The following NCAM2 variants were observed in gnomAD, a reference collection of about 807,000 sequenced individuals.
The protein encoded by NCAM2 is neural cell adhesion molecule 2, also known as N-CAM-2.
Under a neutral mutation model 98.1 loss-of-function variants are expected in NCAM2, and 30 were observed. That is an observed-to-expected ratio of 0.31 (90% CI 0.23 to 0.41). NCAM2 has a LOEUF of 0.41. Ranked by LOEUF, NCAM2 falls within the 10% of genes least tolerant of loss-of-function variation. The pLI is 1.00. For synonymous variants in NCAM2, 368 were observed against 342.4 expected (o/e 1.07, Z -0.83); for missense variants, 867 against 1,005.8 (o/e 0.86, Z 1.87).
At chr21:21,511,216 T>G (rs1988356953) in intron 16 of NCAM2, among the ~76,000 whole-genome samples, 2 of 152,044 alleles carry the variant, frequency 1.3e-5, no homozygotes, top group East Asian at 3.9e-4. Flanking sequence ...TGAATCCTAT[T>G]CATTCTGTCT....
At chr21:21,247,328 C>T (rs566868282) in intron 1 of NCAM2, among the ~76,000 whole-genome samples, 1 of 152,104 alleles carries the variant, frequency 6.6e-6, no homozygotes, top group Non-Finnish European at 1.5e-5. Context: ...CAAACAACAA[C>T]AACAACAAAC....
intron 1 of NCAM2, among the ~76,000 whole-genome samples, chr21:21,084,009 A>C (rs1048810833): frequency 2.6e-5 from 4 of 152,186 alleles, no homozygotes; most frequent in African/African-American, 7.2e-5. Flanking sequence ...TGGCTTAAAC[A>C]ACAGAAATTT....
chr21:21,401,852 G>A (rs1287202815), intron 9 of NCAM2, among the ~76,000 whole-genome samples: 2 of 152,158 alleles, frequency 1.3e-5, no homozygotes, highest in African/African-American at 2.4e-5. Context: ...GTTGCAGGAA[G>A]TCAGGGACCC....
At chr21:21,221,927 G>A (rs1042082414) in intron 1 of NCAM2, among the ~76,000 whole-genome samples, 1 of 152,152 alleles carries the variant, frequency 6.6e-6, no homozygotes, top group African/African-American at 2.4e-5. Context: ...TCAAAGGACA[G>A]ATGTCTCTCT....
chr21:21,004,262 A>G (rs1375266467), intron 1 of NCAM2, among the ~76,000 whole-genome samples: 1 of 152,178 alleles, frequency 6.6e-6, no homozygotes, highest in Non-Finnish European at 1.5e-5. Context: ...CCTTAAAATG[A>G]GAATATTATC....
chr21:21,074,661 C>G (rs1394185300), intron 1 of NCAM2, among the ~76,000 whole-genome samples: 1 of 152,212 alleles, frequency 6.6e-6, no homozygotes, highest in African/African-American at 2.4e-5. Context: ...CACTGTTTTG[C>G]TTCCGCAGAA....
chr21:21,197,562 A>G (rs892056667), intron 1 of NCAM2, among the ~76,000 whole-genome samples: 4 of 152,194 alleles, frequency 2.6e-5, no homozygotes, highest in African/African-American at 9.6e-5. Context: ...CCAAGCATAA[A>G]GCCATATGTT....
intron 9 of NCAM2, among the ~76,000 whole-genome samples, chr21:21,394,154 A>G (rs1186369667): frequency 1.3e-5 from 2 of 152,186 alleles, no homozygotes; most frequent in Non-Finnish European, 2.9e-5. Flanking sequence ...ATCCAGTGTT[A>G]TGGTTAACTG....
chr21:21,185,869 A>G (rs965053874), intron 1 of NCAM2, among the ~76,000 whole-genome samples: 1 of 152,194 alleles, frequency 6.6e-6, no homozygotes, highest in Admixed American at 6.5e-5. Flanking sequence ...GAATAAGAAG[A>G]AAGTGTAATA....
intron 1 of NCAM2, among the ~76,000 whole-genome samples, chr21:21,219,714 A>G (rs896488021): frequency 1.6e-4 from 25 of 152,220 alleles, no homozygotes; most frequent in Non-Finnish European, 1.9e-4. Context: ...CTTGTTAAAA[A>G]AAGTTAACTG....
At chr21:21,383,389 C>G (rs183203541) in intron 9 of NCAM2, among the ~76,000 whole-genome samples, 69 of 152,260 alleles carry the variant, frequency 4.5e-4, no homozygotes, top group African/African-American at 1.6e-3. Context: ...CTCACACTCT[C>G]CAACATTATG....
chr21:21,040,583 A>G (rs898582302), intron 1 of NCAM2, among the ~76,000 whole-genome samples: 4 of 152,054 alleles, frequency 2.6e-5, no homozygotes, highest in Admixed American at 6.6e-5. Context: ...TATATACACA[A>G]TGGAATACCG....
At chr21:21,137,921 A>G (rs2245652) in intron 1 of NCAM2, among the ~76,000 whole-genome samples, 39,570 of 131,928 alleles carry the variant, frequency 0.3, 5,814 homozygotes, top group East Asian at 0.51. Context: ...GTAGGATATT[A>G]GCAGGAAGGT....
intron 10 of NCAM2, among the ~76,000 whole-genome samples, chr21:21,417,325 G>A (rs924772137): frequency 6.6e-6 from 1 of 151,926 alleles, no homozygotes; most frequent in Non-Finnish European, 1.5e-5. Context: ...TAATCACTTA[G>A]CAGTAATTAT....
intron 17 of NCAM2, among the ~76,000 whole-genome samples, chr21:21,536,950 C>T (rs1990013962): frequency 6.6e-6 from 1 of 151,780 alleles, no homozygotes; most frequent in Non-Finnish European, 1.5e-5. Context: ...ATAAAAGTGA[C>T]AAGAAAAACA....
At chr21:21,098,658 T>G (rs2066175122) in intron 1 of NCAM2, among the ~76,000 whole-genome samples, 1 of 151,840 alleles carries the variant, frequency 6.6e-6, no homozygotes, top group Admixed American at 6.6e-5. Flanking sequence ...TAGTTTGACT[T>G]AATTCTAAAG....
At chr21:21,346,134 G>A (rs112745517) in intron 8 of NCAM2, among the ~76,000 whole-genome samples, 96 of 148,006 alleles carry the variant, frequency 6.5e-4, no homozygotes, top group African/African-American at 2.3e-3. Flanking sequence ...CCATTGATCT[G>A]TTGCCTACAA....
chr21:21,202,178 C>G (rs1262376295), intron 1 of NCAM2, among the ~76,000 whole-genome samples: 1 of 152,092 alleles, frequency 6.6e-6, no homozygotes, highest in East Asian at 1.9e-4. Context: ...TCCTCCACTT[C>G]CCAGTTTTGT....
At chr21:21,168,043 G>A (rs551976532) in intron 1 of NCAM2, among the ~76,000 whole-genome samples, 49 of 151,742 alleles carry the variant, frequency 3.2e-4, no homozygotes, top group South Asian at 2.3e-3. Context: ...AAACATAGAC[G>A]CAAAAATCCT....
Sources: gnomAD v4.1 joint callset for allele counts (sites outside exome capture counted in the v4.1 genomes callset) on GRCh38, gnomAD v4.1.1 for gene constraint, MANE v1.5 for transcripts, NCBI Gene and HGNC (gene_info 2026-07-23, HGNC 2026-07-21) for gene names.